The following CPSF1 variants were observed in gnomAD, a reference collection of about 807,000 sequenced individuals.
CPSF1 encodes cleavage and polyadenylation specific factor 1.
In CPSF1, 106 loss-of-function variants were observed where a neutral mutation model predicts 175.8. That is an observed-to-expected ratio of 0.60 (90% CI 0.52 to 0.71). The LOEUF is 0.71. Among genes scored for constraint, CPSF1 ranks in the 30% least tolerant of loss-of-function variants. The pLI, the probability that CPSF1 is intolerant of heterozygous loss-of-function variation, is 0.00. For missense variants in CPSF1, 1,734 were observed against 2,022.9 expected (o/e 0.86, Z 2.74); for synonymous variants, 1,024 against 858.3 (o/e 1.19, Z -3.37).
In CPSF1 at chr8:144,394,276, T is replaced by C; in HGVS notation, c.3769A>G (p.Ser1257Gly). The stretch of plus-strand genomic sequence containing the variant: ...GCATTGTCCACCATGAAGTCCACGC[T>C]GTACACCTCCAGGGGCTTGGCATCC... ...SRDAKPLEVYSVDFMVDNAQL... is the reference protein window; with the variant it reads ...SRDAKPLEVYGVDFMVDNAQL... The change falls in exon 33 of 38, where the codon AGC (serine) becomes GGC (glycine). Residue 1257 changes from serine to glycine, a missense_variant. Physicochemically the swap from Ser to Gly is moderately conservative, Grantham distance 56. This residue lies in a region of CPSF1 where 323 missense variants were observed against 338.5 expected (regional missense o/e 0.95). Transcript: ENST00000616140. The C allele has an allele frequency of 6.2e-7, 1 of 1,600,752 alleles. No individual in the cohort carries two copies. Among genetic ancestry groups the C allele is most frequent in the East Asian group, 2.2e-5 (1 of 44,650 alleles).
At position 144,401,083 on chromosome 8, in the gene CPSF1, C is replaced by T. The variant is rs1554866810; in HGVS notation, c.388-8G>A. On this transcript the variant is annotated splice_region_variant and splice_polypyrimidine_tract_variant and intron_variant, in intron 5 of 37. Coordinates refer to ENST00000616140, the MANE Select transcript of CPSF1 (RefSeq NM_013291.3). ...ATTCTGCACAAACCCGTCCTGGGGGCAGAGGGGGCATCAGCCAGGCCCAGC... is the reference window on the plus strand; with the variant it reads ...ATTCTGCACAAACCCGTCCTGGGGGTAGAGGGGGCATCAGCCAGGCCCAGC... 3 of 1,604,576 alleles carry T rather than the reference C, an allele frequency of 1.9e-6. No homozygotes were observed. The highest frequency in any genetic ancestry group is 2.7e-5 in the African/African-American group (2 of 74,670).
rs781864837 is a variant in CPSF1, at chr8:144,397,816, G to A, written c.2137C>T (p.Arg713Cys). 6.0e-5 allele frequency: 97 copies of A among 1,610,974 alleles called. No homozygotes were observed. Among genetic ancestry groups the A allele is most frequent in the Non-Finnish European group, 7.6e-5 (90 of 1,179,332 alleles). The change falls in exon 21 of 38, where the codon CGC becomes TGC. Residue 713 changes from arginine to cysteine, a missense_variant. Arg to Cys is a radical substitution (Grantham distance 180). This residue lies in a region of CPSF1 where 585 missense variants were observed against 584.7 expected (regional missense o/e 1.00). Coordinates refer to ENST00000616140, the MANE Select transcript of CPSF1 (RefSeq NM_013291.3). The stretch of plus-strand genomic sequence containing the variant: ...AGCTCGTCACGGGCCCCACCCAGGC[G>A]GCTCTCAGTGGTGAACATGCCGCTG... ...DLSGMFTTESRLGGARDELGG... is the reference protein window; with the variant it reads ...DLSGMFTTESCLGGARDELGG...
intron 22 of CPSF1, 33 bp from the exon 23 acceptor site, chr8:144,397,446 T>A (rs781889229): frequency 1.3e-6 from 2 of 1,582,962 alleles, no homozygotes; most frequent in Non-Finnish European, 1.7e-6. Flanking sequence ...TGGAGGCAGG[T>A]GGGTGGAACC....
intron 23 of CPSF1, 26 bp downstream of exon 23, chr8:144,397,181 G>T (rs781884070): frequency 1.3e-6 from 2 of 1,516,896 alleles, no homozygotes; most frequent in African/African-American, 1.4e-5. Context: ...AAGATGGGAA[G>T]GGGAGGCCAG....
At position 144,396,757 on chromosome 8, in the gene CPSF1, G is replaced by A. The variant is rs1554863954; in HGVS notation, c.2683-16C>T. 1 of 1,613,650 alleles carries A rather than the reference G, an allele frequency of 6.2e-7. No homozygotes were observed. The highest frequency in any genetic ancestry group is 8.5e-7 in the Non-Finnish European group (1 of 1,179,778). ...TGTGAGGGACCTGGGGGGGAACCAT[G>A]CAGGTCCTCCAGGGGCTGCCGGTCT... On this transcript the variant is annotated splice_polypyrimidine_tract_variant and intron_variant, in intron 24 of 37. Coordinates refer to ENST00000616140, the MANE Select transcript of CPSF1 (RefSeq NM_013291.3).
chr8:144,400,319 C>A (rs2116874473), intron 8 of CPSF1, 35 bp downstream of exon 8: 7 of 1,613,186 alleles, frequency 4.3e-6, no homozygotes, highest in Non-Finnish European at 5.9e-6. Flanking sequence ...AGTGCTCTCT[C>A]CACACACTCC....
chr8:144,395,064 T>C (rs782515815), intron 29 of CPSF1, 34 bp downstream of exon 29: 1 of 1,603,596 alleles, frequency 6.2e-7, no homozygotes, highest in South Asian at 1.1e-5. Context: ...CTGGAGGCCT[T>C]GGGCAGACCC....
Position 144,400,775 on chromosome 8 carries a change from C to A in CPSF1, c.582G>T (p.Arg194=). 1 of 1,613,876 alleles carries A rather than the reference C, an allele frequency of 6.2e-7. No individual in the cohort carries two copies. Among genetic ancestry groups the A allele is most frequent in the Non-Finnish European group, 8.5e-7 (1 of 1,179,960 alleles). ...TGTTGAGCAGCTTCTCGTCTAGGGC[C>A]CGCACGTCGATGATGTAGCTGGGCA... ...SFLPSYIIDV[R]ALDEKLLNII... Residue 194 remains arginine (R), a synonymous_variant, in exon 7 of 38, where the codon CGG becomes CGT. Transcript: ENST00000616140.
At chr8:144,404,873 G>A (rs1377952929) in intron 2 of CPSF1, among the ~76,000 whole-genome samples, 1 of 151,554 alleles carries the variant, frequency 6.6e-6, no homozygotes, top group Non-Finnish European at 1.5e-5. Context: ...TGGCTAACAC[G>A]GTGAAACCCC....
At chr8:144,400,143 C>CCCT in intron 9 of CPSF1, 23 bp downstream of exon 9, 8 of 1,222,610 alleles carry the variant, frequency 6.5e-6, no homozygotes, top group South Asian at 2.8e-5. Context: ...GGGCCCCCCC[C>CCCT]GCCCCAGCCA....
chr8:144,400,135 G>GCCCCCCCCCCCCCCCC (rs1491238659), intron 9 of CPSF1, 31 bp downstream of exon 9: 424 of 895,736 alleles, frequency 4.7e-4, no homozygotes, highest in Non-Finnish European at 5.8e-4. Flanking sequence ...CCGTCCCCGG[G>GCCCCCCCCCCCCCCCC]CCCCCCCCGC....
rs2116885673 is a variant in CPSF1 at position 144,401,556 on chromosome 8, C to A, written c.180G>T (p.Lys60Asn). The A allele has an allele frequency of 3.1e-6, 5 of 1,613,702 alleles. No homozygotes were observed. ...CAAGCTCGAGCTTCTCCCGGTGGGC[C>A]TTCCCCTCTAGGGGAGACACCAGGG... The part of the protein sequence containing the change: ...LTKNDRSTEG[K>N]AHREKLELAA... Residue 60 changes from lysine (K) to asparagine (N), a missense_variant, in exon 4 of 38, where the codon AAG becomes AAT. Around this residue, in one of 10 missense-constraint regions of CPSF1, gnomAD observed 126 missense variants for 117.9 expected, o/e 1.07. Coordinates refer to ENST00000616140, the MANE Select transcript of CPSF1 (RefSeq NM_013291.3).
In CPSF1 at chr8:144,395,430, C is replaced by T. The variant is rs370729154; in HGVS notation, c.3096+5G>A. 9.7e-5 allele frequency: 157 copies of T among 1,612,946 alleles called. No homozygotes were observed. In the East Asian group the frequency reaches 2.6e-3, roughly 27 times the overall value. On this transcript the variant is annotated splice_donor_5th_base_variant and intron_variant, in intron 27 of 37. Transcript: ENST00000616140. Reference sequence around the variant, plus strand: ...GTCCCTGGTGGGGTGGGGGTGGGGGCAGACCTTAGACTCCACGTGGTAAGC... The same window carrying T: ...GTCCCTGGTGGGGTGGGGGTGGGGGTAGACCTTAGACTCCACGTGGTAAGC...
At chr8:144,407,445 G>C (rs1351095097) in intron 2 of CPSF1, among the ~76,000 whole-genome samples, 1 of 152,096 alleles carries the variant, frequency 6.6e-6, no homozygotes, top group Non-Finnish European at 1.5e-5. Context: ...ACTTTGGAAG[G>C]CCAAGGTGAG....
chr8:144,400,847 G>A (rs2116878941), intron 6 of CPSF1, 30 bp from the exon 7 acceptor site: 2 of 1,611,402 alleles, frequency 1.2e-6, no homozygotes, highest in Non-Finnish European at 8.5e-7. Context: ...AGCAGGAGAG[G>A]AGGGGAGGCG....
rs996726395 is a variant in CPSF1, at chr8:144,398,008, G to A, written c.2019C>T (p.Asp673=). ...GGCGGTGGTGGCGGCCACCGTAGGAGTCACTCTTCAGCAGGAACATGGTGA... is the reference window on the plus strand; with the variant it reads ...GGCGGTGGTGGCGGCCACCGTAGGAATCACTCTTCAGCAGGAACATGGTGA... ...GHVTMFLLKS[D]SYGGRHHRLA... The change falls in exon 20 of 38, where the codon GAC becomes GAT. Residue 673 remains aspartate (D), a synonymous_variant. Transcript: ENST00000616140. The A allele has an allele frequency of 6.2e-7, 1 of 1,612,034 alleles. No individual in the cohort carries two copies. Among genetic ancestry groups the A allele is most frequent in the South Asian group, 1.1e-5 (1 of 91,020 alleles).
intron 2 of CPSF1, among the ~76,000 whole-genome samples, chr8:144,404,713 G>A (rs1554868507): frequency 1.3e-5 from 2 of 151,464 alleles, no homozygotes; most frequent in African/African-American, 4.9e-5. Context: ...ATAGTCAAAT[G>A]GTCTAACTGG....
Position 144,399,239 on chromosome 8 carries a change from G to A in CPSF1, c.1392+37C>T, listed in dbSNP as rs2116860776. On this transcript the variant is annotated intron_variant, in intron 14 of 37. Transcript: ENST00000616140. The surrounding 1 kb of genome is among the most constrained non-coding windows in gnomAD (Gnocchi z 6.4). ...CAAGAGTCAGGGGCCCGCTGGGGGCGCTGGCTGGGACGGGGGCCCTGCTGC... is the reference window on the plus strand; with the variant it reads ...CAAGAGTCAGGGGCCCGCTGGGGGCACTGGCTGGGACGGGGGCCCTGCTGC... The A allele has an allele frequency of 1.4e-5, 22 of 1,611,284 alleles. No individual in the cohort carries two copies. The highest frequency in any genetic ancestry group is 5.0e-5 in the Admixed American group (3 of 59,878).
chr8:144,398,911 C>T (rs1820979361), intron 16 of CPSF1, 43 bp from the exon 17 acceptor site: 1 of 1,610,760 alleles, frequency 6.2e-7, no homozygotes, highest in African/African-American at 1.3e-5. Flanking sequence ...GGTGTGAGCC[C>T]ACCCAGGTCC....
Sources: gnomAD v4.1 joint callset for allele counts (sites outside exome capture counted in the v4.1 genomes callset) on GRCh38, gnomAD v4.1.1 for gene constraint, gnomAD v4.1.1 regional missense constraint, Gnocchi (gnomAD v3.1) non-coding constraint, MANE v1.5 for transcripts, NCBI Gene and HGNC (gene_info 2026-07-23, HGNC 2026-07-21) for gene names.